ST8SIA6: variants seen among roughly 807,000 people sequenced by gnomAD.
ST8SIA6 encodes ST8 alpha-N-acetyl-neuraminide alpha-2,8-sialyltransferase 6, also known as alpha-2,8-sialyltransferase 8F.
In ST8SIA6, 39 loss-of-function variants were observed where a neutral mutation model predicts 33.6. The observed-to-expected ratio is 1.16, with a 90% CI of 0.90 to 1.52. ST8SIA6 has a LOEUF of 1.52. ST8SIA6 is among the 40% of genes most tolerant of loss of function. The probability of loss-of-function intolerance (pLI) is 0.00; values close to 1 mark genes in which losing one functional copy is unlikely to be tolerated. For synonymous variants in ST8SIA6, 172 were observed against 167.2 expected (o/e 1.03, Z -0.22); for missense variants, 441 against 443.8 (o/e 0.99, Z 0.06).
chr10:17,430,264 G>A (rs1245610428), intron 2 of ST8SIA6, among the ~76,000 whole-genome samples: 1 of 152,156 alleles, frequency 6.6e-6, no homozygotes. Flanking sequence ...GTATTCCATG[G>A]TGTATATACA....
rs1847855780 is a variant in ST8SIA6, at chr10:17,318,951, A to T, written c.*1927T>A. ...GGGATATATGCCCTACCAGGAAGAAAATGTTAGGATTCAATGAGGCACTGT... is the reference window on the plus strand; with the variant it reads ...GGGATATATGCCCTACCAGGAAGAATATGTTAGGATTCAATGAGGCACTGT... On this transcript the variant is annotated 3_prime_UTR_variant, in exon 8 of 8. Transcript: ENST00000377602. 6.6e-6 allele frequency among the ~76,000 whole-genome samples: 1 copy of T among 152,124 alleles called. No individual in the cohort carries two copies. The highest frequency in any genetic ancestry group is 1.5e-5 in the Non-Finnish European group (1 of 68,020).
chr10:17,323,229 G>GCACGCACACACACACA, intron 6 of ST8SIA6, 72 bp from the exon 7 acceptor site: 2 of 793,956 alleles, frequency 2.5e-6, no homozygotes, highest in Non-Finnish European at 4.1e-6. Context: ...ACATATGCGC[G>GCACGCACACACACACA]CACACACACA....
intron 3 of ST8SIA6, among the ~76,000 whole-genome samples, chr10:17,383,021 C>G (rs533218979): frequency 6.6e-6 from 1 of 152,098 alleles, no homozygotes; most frequent in Non-Finnish European, 1.5e-5. Flanking sequence ...ATTTTATAGA[C>G]TGTTTACAAA....
At chr10:17,400,198 T>C (rs1850985059) in intron 2 of ST8SIA6, among the ~76,000 whole-genome samples, 1 of 151,954 alleles carries the variant, frequency 6.6e-6, no homozygotes. Context: ...CAACTTGGAG[T>C]TATAAAATAG....
intron 4 of ST8SIA6, among the ~76,000 whole-genome samples, chr10:17,337,117 G>T (rs1316830467): frequency 6.6e-6 from 1 of 151,294 alleles, no homozygotes; most frequent in Non-Finnish European, 1.5e-5. Context: ...CACGAGATCT[G>T]GTTGTTTTAA....
chr10:17,350,201 T>G (rs570079517), intron 4 of ST8SIA6, among the ~76,000 whole-genome samples: 1 of 152,270 alleles, frequency 6.6e-6, no homozygotes, highest in South Asian at 2.1e-4. Flanking sequence ...GTGACCAGTT[T>G]GAAGGTCATG....
rs1020684493 is a variant in ST8SIA6, at chr10:17,318,248, C to A, written c.*2630G>T. 2.6e-5 allele frequency: 4 copies of A among 155,168 alleles called. No homozygotes were observed. Among genetic ancestry groups the A allele is most frequent in the African/African-American group, 9.7e-5 (4 of 41,324 alleles). The allele number at this position is 155,168 out of a possible 1,614,324, so 9.6% of individuals were successfully genotyped here. A position where few individuals can be genotyped will look rare whatever the true frequency, so the allele number is the denominator to read the frequency against. ...TTTTCTTTTTTGAGACAGGGTCTCA[C>A]TCTGTCACACAGGCTAGAATGCAGT... On this transcript the variant is annotated 3_prime_UTR_variant, in exon 8 of 8. Coordinates refer to ENST00000377602, the MANE Select transcript of ST8SIA6 (RefSeq NM_001004470.3).
At chr10:17,387,547 G>C (rs1004576263) in intron 3 of ST8SIA6, among the ~76,000 whole-genome samples, 5 of 151,868 alleles carry the variant, frequency 3.3e-5, no homozygotes, top group African/African-American at 1.2e-4. Context: ...GATTACAGGT[G>C]TGAGCCACCG....
intron 3 of ST8SIA6, among the ~76,000 whole-genome samples, chr10:17,389,038 C>A (rs1238520719): frequency 6.6e-6 from 1 of 152,114 alleles, no homozygotes; most frequent in Non-Finnish European, 1.5e-5. Context: ...GCTGACACCC[C>A]CCAGACTCAT....
chr10:17,415,751 T>C (rs1262775584), intron 2 of ST8SIA6, among the ~76,000 whole-genome samples: 1 of 151,254 alleles, frequency 6.6e-6, no homozygotes, highest in Non-Finnish European at 1.5e-5. Context: ...ATGGCTCATC[T>C]CAAGCTCATC....
At chr10:17,341,900 C>CAAAAAAAAAAAAAA (rs71393004) in intron 4 of ST8SIA6, among the ~76,000 whole-genome samples, 2 of 73,158 alleles carry the variant, frequency 2.7e-5, no homozygotes, top group African/African-American at 5.7e-5. Flanking sequence ...GGCTCCATCT[C>CAAAAAAAAAAAAAA]AAAAAAAAAA....
At chr10:17,376,998 C>A (rs894308239) in intron 3 of ST8SIA6, among the ~76,000 whole-genome samples, 18 of 152,106 alleles carry the variant, frequency 1.2e-4, no homozygotes, top group Admixed American at 1.2e-3. Flanking sequence ...CCATCATATC[C>A]CCTGTGACCT....
At chr10:17,341,773 C>T (rs1371975948) in intron 4 of ST8SIA6, among the ~76,000 whole-genome samples, 1 of 151,602 alleles carries the variant, frequency 6.6e-6, no homozygotes, top group African/African-American at 2.4e-5. Context: ...TGTTGGCAGC[C>T]ACCTGTAATC....
chr10:17,334,310 C>T lies in ST8SIA6; in HGVS notation c.378-2758G>A, dbSNP rs557541145. Among the ~76,000 whole-genome samples the T allele has an allele frequency of 2.9e-3, 444 of 151,418 alleles. 1 individual carries two copies. Among genetic ancestry groups the T allele is most frequent in the African/African-American group, 9.5e-3 (394 of 41,458 alleles). ...ATCCCAGCACTTTGGGAGGCCGAGG[C>T]GGGCGGATCACGAGGTCAGGAGATC... On this transcript the variant is annotated intron_variant, in intron 4 of 7. Coordinates refer to ENST00000377602, the MANE Select transcript of ST8SIA6 (RefSeq NM_001004470.3).
intron 4 of ST8SIA6, among the ~76,000 whole-genome samples, chr10:17,333,207 GA>G (rs1453636659): frequency 6.6e-6 from 1 of 152,144 alleles, no homozygotes; most frequent in East Asian, 1.9e-4. Context: ...CCTCTTCAAG[GA>G]GAACTACAAA....
At chr10:17,347,513 A>G (rs1030877240) in intron 4 of ST8SIA6, among the ~76,000 whole-genome samples, 1 of 152,096 alleles carries the variant, frequency 6.6e-6, no homozygotes, top group Non-Finnish European at 1.5e-5. Flanking sequence ...AGAAAAAAAA[A>G]ACGGGATCAC....
At chr10:17,397,880 T>C (rs1054415303) in intron 2 of ST8SIA6, among the ~76,000 whole-genome samples, 21 of 152,248 alleles carry the variant, frequency 1.4e-4, no homozygotes, top group African/African-American at 4.8e-4. Context: ...CTGCTATCAC[T>C]GTTATCCACA....
chr10:17,366,213 C>T (rs927979787), intron 3 of ST8SIA6, among the ~76,000 whole-genome samples: 3 of 152,170 alleles, frequency 2.0e-5, no homozygotes, highest in Admixed American at 6.5e-5. Context: ...CAGCTATGCA[C>T]GATGGTAACT....
intron 2 of ST8SIA6, among the ~76,000 whole-genome samples, chr10:17,446,284 T>C (rs2131744469): frequency 6.6e-6 from 1 of 152,310 alleles, no homozygotes; most frequent in South Asian, 2.1e-4. Flanking sequence ...AGGAGGCTAT[T>C]GCTCTTAAAA....
Sources: allele counts gnomAD v4.1 joint callset (sites outside exome capture counted in the v4.1 genomes callset), GRCh38; gene constraint gnomAD v4.1.1; transcripts MANE v1.5; gene names NCBI Gene and HGNC (gene_info 2026-07-23, HGNC 2026-07-21).